The following GPM6A variants were observed in gnomAD, a reference collection of about 807,000 sequenced individuals.
GPM6A encodes the protein glycoprotein M6A, also known as neuronal membrane glycoprotein M6-a.
In GPM6A, 7 loss-of-function variants were observed where a neutral mutation model predicts 32.1. The observed-to-expected ratio is 0.22, with a 90% CI of 0.12 to 0.41. The LOEUF (loss-of-function observed/expected upper bound fraction) is 0.41, where lower values mean the gene tolerates loss of function less well. Among genes scored for constraint, GPM6A ranks in the 10% least tolerant of loss-of-function variants. The pLI, the probability that GPM6A is intolerant of heterozygous loss-of-function variation, is 1.00. For synonymous variants in GPM6A, 130 were observed against 123.4 expected, an observed-to-expected ratio of 1.05 and a Z score of -0.35; for missense variants, 235 against 347.2, an observed-to-expected ratio of 0.68 and a Z score of 2.57.
At chr4:175,729,513 A>T (rs545982922) in intron 1 of GPM6A, among the ~76,000 whole-genome samples, 1 of 152,248 alleles carries the variant, frequency 6.6e-6, no homozygotes, top group African/African-American at 2.4e-5. Context: ...AAAAATAAAT[A>T]AGAACTAGTA....
intron 1 of GPM6A, among the ~76,000 whole-genome samples, chr4:175,804,584 T>G (rs560594025): frequency 1.3e-5 from 2 of 152,220 alleles, no homozygotes; most frequent in Non-Finnish European, 2.9e-5. Context: ...ATATTGACAT[T>G]AGACACTGCA....
intron 1 of GPM6A, among the ~76,000 whole-genome samples, chr4:175,870,635 G>A (rs898331796): frequency 6.6e-6 from 1 of 151,854 alleles, no homozygotes; most frequent in Admixed American, 6.6e-5. Flanking sequence ...ACACTACATC[G>A]CTTCTCTCCT....
intron 1 of GPM6A, among the ~76,000 whole-genome samples, chr4:175,969,570 G>A (rs1487053246): frequency 1.3e-5 from 2 of 152,068 alleles, no homozygotes; most frequent in African/African-American, 2.4e-5. Flanking sequence ...AATTATCTGG[G>A]CGTGGTGGTG....
chr4:175,995,900 T>C (rs142921343), intron 1 of GPM6A, among the ~76,000 whole-genome samples: 6 of 147,358 alleles, frequency 4.1e-5, no homozygotes, highest in Non-Finnish European at 7.4e-5. Context: ...GGTTATGTCG[T>C]TCATACAGGT....
chr4:175,698,100 G>A (rs1744676956), intron 2 of GPM6A, among the ~76,000 whole-genome samples: 1 of 152,030 alleles, frequency 6.6e-6, no homozygotes, highest in African/African-American at 2.4e-5. Flanking sequence ...GAAAAGAGAG[G>A]GAGAGAGAAA....
rs766644867 is a variant in GPM6A, at chr4:175,640,846, A to T, written c.542-17T>A. The T allele has an allele frequency of 1.7e-5, 26 of 1,500,722 alleles. 1 individual carries two copies. The South Asian group carries it at 2.3e-4, about 13-fold the overall frequency. The allele number at this position is 1,500,722 out of a possible 1,614,324, so 93.0% of individuals were successfully genotyped here. ...TCACAATTCCTACAATGTGTGGGAA[A>T]TGACAGTTTAGCAGTATAAATGTTT... On this transcript the variant is annotated splice_polypyrimidine_tract_variant and intron_variant, in intron 4 of 6. Coordinates refer to ENST00000393658, the MANE Select transcript of GPM6A (RefSeq NM_201591.3).
At chr4:175,892,495 G>C (rs989789316) in intron 1 of GPM6A, among the ~76,000 whole-genome samples, 1 of 152,100 alleles carries the variant, frequency 6.6e-6, no homozygotes, top group Non-Finnish European at 1.5e-5. Context: ...AAATCCTGTT[G>C]CACTCTATTT....
chr4:175,730,571 C>T (rs1205943751), intron 1 of GPM6A, among the ~76,000 whole-genome samples: 1 of 151,312 alleles, frequency 6.6e-6, no homozygotes, highest in Non-Finnish European at 1.5e-5. Flanking sequence ...CCCGGGTTCA[C>T]GCCATTCTCC....
chr4:175,870,866 G>C (rs1399487457), intron 1 of GPM6A, among the ~76,000 whole-genome samples: 3 of 152,088 alleles, frequency 2.0e-5, no homozygotes, highest in Non-Finnish European at 2.9e-5. Flanking sequence ...GGGATTAGAA[G>C]AAGTATCTTT....
At chr4:175,958,145 A>T (rs1740049228) in intron 1 of GPM6A, among the ~76,000 whole-genome samples, 1 of 152,132 alleles carries the variant, frequency 6.6e-6, no homozygotes, top group Non-Finnish European at 1.5e-5. Context: ...CGCCCACCTC[A>T]ACCTCCCAAA....
At chr4:175,884,194 A>G (rs557399637) in intron 1 of GPM6A, among the ~76,000 whole-genome samples, 58 of 152,308 alleles carry the variant, frequency 3.8e-4, no homozygotes, top group Non-Finnish European at 6.5e-4. Context: ...AATTTGGGTT[A>G]ATAGAACTAT....
intron 1 of GPM6A, among the ~76,000 whole-genome samples, chr4:175,738,503 T>C (rs1179920621): frequency 6.6e-6 from 1 of 151,934 alleles, no homozygotes; most frequent in Admixed American, 6.6e-5. Context: ...AAACACTAAA[T>C]TGGCAAGCAA....
intron 1 of GPM6A, among the ~76,000 whole-genome samples, chr4:175,853,678 G>C (rs934067369): frequency 2.0e-5 from 3 of 151,832 alleles, no homozygotes; most frequent in African/African-American, 7.3e-5. Context: ...AAAAAGGAAA[G>C]GAAAATACCC....
intron 1 of GPM6A, among the ~76,000 whole-genome samples, chr4:175,817,294 A>G (rs560529234): frequency 6.6e-6 from 1 of 152,390 alleles, no homozygotes; most frequent in African/African-American, 2.4e-5. Context: ...TGGTGTTCAC[A>G]GTAGTATCAT....
At chr4:175,708,705 T>C (rs935029670) in intron 1 of GPM6A, among the ~76,000 whole-genome samples, 19 of 152,148 alleles carry the variant, frequency 1.2e-4, no homozygotes, top group Admixed American at 8.5e-4. Context: ...AAGAGACCAG[T>C]GGTGCCAAAA....
chr4:175,980,507 C>T (rs1212388678), intron 1 of GPM6A, among the ~76,000 whole-genome samples: 2 of 152,136 alleles, frequency 1.3e-5, no homozygotes, highest in Non-Finnish European at 2.9e-5. Flanking sequence ...TATTAGTTTT[C>T]ATATGTGTAA....
chr4:175,834,964 A>G (rs1383538845), intron 1 of GPM6A, among the ~76,000 whole-genome samples: 2 of 152,170 alleles, frequency 1.3e-5, no homozygotes, highest in African/African-American at 2.4e-5. Context: ...AGAACTAACT[A>G]CGCTGCCTTT....
chr4:175,993,385 T>C (rs1400726918), intron 1 of GPM6A, among the ~76,000 whole-genome samples: 1 of 152,152 alleles, frequency 6.6e-6, no homozygotes, highest in Non-Finnish European at 1.5e-5. Context: ...TTTTTTTTCT[T>C]TGATTCTTCT....
chr4:175,892,723 G>T lies in GPM6A; in HGVS notation c.-22-80474C>A, dbSNP rs1291116485. Among the ~76,000 whole-genome samples, 3 of 152,162 alleles carry T rather than the reference G, an allele frequency of 2.0e-5. No individual in the cohort carries two copies. The East Asian group carries it at 5.8e-4, about 29-fold the overall frequency. Reference sequence around the variant, plus strand: ...CATAATCCAAATTCCTCAAACAATGGCAGTGAATATACAAGAATCATCTTT... The same window carrying T: ...CATAATCCAAATTCCTCAAACAATGTCAGTGAATATACAAGAATCATCTTT... On this transcript the variant is annotated intron_variant, in intron 1 of 7. Transcript: ENST00000280187.
Sources: gnomAD v4.1 joint callset for allele counts (sites outside exome capture counted in the v4.1 genomes callset) on GRCh38, gnomAD v4.1.1 for gene constraint, MANE v1.5 for transcripts, NCBI Gene and HGNC (gene_info 2026-07-23, HGNC 2026-07-21) for gene names.